Variants in SPATA21 observed in about 807,000 individuals in gnomAD.
SPATA21 encodes the protein spermatogenesis associated 21.
Under a neutral mutation model 54.8 loss-of-function variants are expected in SPATA21, and 47 were observed. That is an observed-to-expected ratio of 0.86 (90% confidence interval 0.68 to 1.09). SPATA21 has a LOEUF of 1.09. SPATA21 is among the 50% of genes least tolerant of loss of function. The pLI is 0.00. For missense variants in SPATA21, 599 were observed against 596.4 expected, an observed-to-expected ratio of 1.00 and a Z score of -0.05; for synonymous variants, 245 against 235.3, an observed-to-expected ratio of 1.04 and a Z score of -0.38.
rs2085431365 is a variant in SPATA21 at position 16,401,014 on chromosome 1, G to C, written c.1002-122C>G. ...CACAAGCCTAGGAGTCAGGAAACCT[G>C]GCTTCTAGTCTCAGCTCAGCCCTTT... is the stretch of plus-strand genomic sequence containing the variant. On this transcript the variant is annotated intron_variant, in intron 10 of 12. Coordinates refer to ENST00000335496, the MANE Select transcript of SPATA21 (RefSeq NM_198546.1). The C allele has an allele frequency of 9.0e-6, 11 of 1,217,794 alleles. No individual in the cohort carries two copies. In the Middle Eastern group the frequency reaches 8.7e-4, roughly 96 times the overall value. 75.4% of individuals were successfully genotyped at this position (1,217,794 alleles called of 1,614,324 possible).
rs1043929164 is a variant in SPATA21, at chr1:16,428,280, T to G, written c.34+3058A>C. Among the ~76,000 whole-genome samples the G allele has an allele frequency of 6.6e-6, 1 of 152,154 alleles. No individual in the cohort carries two copies. Among genetic ancestry groups the G allele is most frequent in the Non-Finnish European group, 1.5e-5 (1 of 68,032 alleles). On this transcript the variant is annotated intron_variant, in intron 3 of 12. Transcript: ENST00000335496. The surrounding 1 kb of genome is among the most constrained non-coding windows in gnomAD (Gnocchi z 4.3). The stretch of plus-strand genomic sequence containing the variant: ...AGTACCCGAGACAAGGGGATTGCCT[T>G]AAGGACAGCTTGAAAGAGCACCCTG...
intron 3 of SPATA21, chr1:16,427,787 TTC>T (rs142680373): frequency 7.2e-5 from 104 of 1,445,226 alleles, no homozygotes; most frequent in Middle Eastern, 2.0e-4. Flanking sequence ...GAGTTCTCCA[TTC>T]TCTCTCTCTC....
At chr1:16,400,500 A>G (rs1339824670) in intron 11 of SPATA21, 1 of 1,314,906 alleles carries the variant, frequency 7.6e-7, no homozygotes, top group Non-Finnish European at 9.7e-7. Context: ...AGGCTAAGGC[A>G]GGAGGGGAGG....
chr1:16,419,338 T>C (rs2086106248), intron 5 of SPATA21, among the ~76,000 whole-genome samples: 1 of 151,968 alleles, frequency 6.6e-6, no homozygotes, highest in African/African-American at 2.4e-5. Context: ...TTGGTGAAGA[T>C]TTTGGATCTT....
Position 16,399,460 on chromosome 1 carries a change from GT to G in SPATA21, c.1235del (p.Asp412AlafsTer15), listed in dbSNP as rs781518579. 3 of 1,613,554 alleles carry G rather than the reference GT, an allele frequency of 1.9e-6. No individual in the cohort carries two copies. Among genetic ancestry groups the G allele is most frequent in the Non-Finnish European group, 2.5e-6 (3 of 1,180,034 alleles). On this transcript the variant is annotated frameshift_variant, in exon 12 of 13. Coordinates refer to ENST00000335496, the MANE Select transcript of SPATA21 (RefSeq NM_198546.1). LOFTEE classifies it high-confidence loss of function. ...VPCILLCPQL[D>X]KKMVRRQPSN... ...TCGGCTGCCTACGGACCATCTTCTTGTCCAGCTGTGGGCAGAGCAGGATGCA... is the reference window on the plus strand; with the variant it reads ...TCGGCTGCCTACGGACCATCTTCTTGCCAGCTGTGGGCAGAGCAGGATGCA...
rs1213948950 is a variant in SPATA21, at chr1:16,403,717, C to T, written c.1001+10G>A. The T allele has an allele frequency of 6.2e-7, 1 of 1,609,088 alleles. No individual in the cohort carries two copies. The highest frequency in any genetic ancestry group is 2.2e-5 in the East Asian group (1 of 44,872). ...ACAACCCTTCACCCCCAACAACCGG[C>T]CCCACTCACTTTGTGATTTCCTCTA... On this transcript the variant is annotated intron_variant, in intron 10 of 12. Coordinates refer to ENST00000335496, the MANE Select transcript of SPATA21 (RefSeq NM_198546.1).
intron 2 of SPATA21, among the ~76,000 whole-genome samples, chr1:16,432,047 C>T (rs78344624): frequency 0.01 from 1,524 of 152,136 alleles, 26 homozygotes; most frequent in African/African-American, 0.035. Context: ...TGCAGTTCAC[C>T]AAAGCACCCA....
intron 3 of SPATA21, among the ~76,000 whole-genome samples, chr1:16,422,506 T>C (rs1163403411): frequency 9.1e-6 from 1 of 109,956 alleles, no homozygotes; most frequent in African/African-American, 3.6e-5. Flanking sequence ...TGTGTGTGTG[T>C]GTATTTTTTT....
intron 8 of SPATA21, 67 bp downstream of exon 8, chr1:16,404,900 T>G: frequency 6.8e-7 from 1 of 1,479,048 alleles, no homozygotes. Context: ...CTCATGCAAC[T>G]GCACAGGTTT....
intron 7 of SPATA21, among the ~76,000 whole-genome samples, chr1:16,406,076 AAT>A (rs2085630829): frequency 6.6e-6 from 1 of 152,062 alleles, no homozygotes; most frequent in Non-Finnish European, 1.5e-5. Flanking sequence ...CTGGATATGG[AAT>A]AGACAGCAGA....
At chr1:16,431,150 TAATTA>T (rs1210765596) in intron 3 of SPATA21, 183 bp downstream of exon 3, 2 of 1,386,694 alleles carry the variant, frequency 1.4e-6, no homozygotes, top group Non-Finnish European at 1.9e-6. Flanking sequence ...AACAGAGTCT[TAATTA>T]AAGCAGCTGG....
At position 16,409,487 on chromosome 1, in the gene SPATA21, A is replaced by G; in HGVS notation, c.587+114T>C. On this transcript the variant is annotated intron_variant, in intron 6 of 12. Coordinates refer to ENST00000335496, the MANE Select transcript of SPATA21 (RefSeq NM_198546.1). This position sits in a 1 kb window ranked among gnomAD's most constrained non-coding sequence, Gnocchi z 4.1. Reference sequence around the variant, plus strand: ...AGGAGACACATGAGGAGAAATGGAGAGAGGGGGACACACGAGGGAACAGGC... The same window carrying G: ...AGGAGACACATGAGGAGAAATGGAGGGAGGGGGACACACGAGGGAACAGGC... 7 of 1,113,646 alleles carry G rather than the reference A, an allele frequency of 6.3e-6. No individual in the cohort carries two copies. Among genetic ancestry groups the G allele is most frequent in the East Asian group, 2.6e-5 (1 of 38,974 alleles). 69.0% of individuals were successfully genotyped at this position (1,113,646 alleles called of 1,614,324 possible). A position where few individuals can be genotyped will look rare whatever the true frequency, so the allele number is the denominator to read the frequency against.
rs1557653363 is a variant in SPATA21 at position 16,409,774 on chromosome 1, G to A, written c.414C>T (p.Gly138=). 2.5e-6 allele frequency: 4 copies of A among 1,605,190 alleles called. No individual in the cohort carries two copies. The highest frequency in any genetic ancestry group is 2.2e-5 in the South Asian group (2 of 89,868). ...PQTPASVPAS[G]PSWARLPAPG... ...GAGCTGGCAGCCGGGCCCACGATGG[G>A]CCGCTGGCAGGGACCGAGGCAGGGG... is the stretch of plus-strand genomic sequence containing the variant. The change falls in exon 6 of 13, where the codon GGC becomes GGT. Residue 138 remains glycine (G), a synonymous_variant. Coordinates refer to ENST00000335496, the MANE Select transcript of SPATA21 (RefSeq NM_198546.1). The surrounding 1 kb of genome is among the most constrained non-coding windows in gnomAD (Gnocchi z 4.1).
At chr1:16,418,622 C>T (rs1402706108) in intron 5 of SPATA21, among the ~76,000 whole-genome samples, 2 of 151,126 alleles carry the variant, frequency 1.3e-5, no homozygotes, top group African/African-American at 4.9e-5. Flanking sequence ...GGCTGAAGTG[C>T]AGTGCCGCTA....
chr1:16,408,582 C>T (rs2085721772), intron 7 of SPATA21: 1 of 974,422 alleles, frequency 1.0e-6, no homozygotes, highest in Non-Finnish European at 1.2e-6. Context: ...GTCAGAAGAC[C>T]TAGCACGAGG....
intron 5 of SPATA21, among the ~76,000 whole-genome samples, chr1:16,414,842 G>A (rs1331732995): frequency 5.0e-5 from 6 of 119,276 alleles, no homozygotes; most frequent in Admixed American, 3.2e-4. Context: ...GAGGTGAGCC[G>A]AGATCACACC....
At position 16,409,492 on chromosome 1, in the gene SPATA21, G is replaced by T; in HGVS notation, c.587+109C>A. 21 of 1,156,182 alleles carry T rather than the reference G, an allele frequency of 1.8e-5. No individual in the cohort carries two copies. Among genetic ancestry groups the T allele is most frequent in the Non-Finnish European group, 2.6e-5 (21 of 822,276 alleles). 71.6% of individuals were successfully genotyped at this position (1,156,182 alleles called of 1,614,324 possible). ...ACACATGAGGAGAAATGGAGAGAGG[G>T]GGACACACGAGGGAACAGGCAGGTG... On this transcript the variant is annotated intron_variant, in intron 6 of 12. Transcript: ENST00000335496. This position sits in a 1 kb window ranked among gnomAD's most constrained non-coding sequence, Gnocchi z 4.1.
chr1:16,435,669 G>A (rs116353736), intron 1 of SPATA21, among the ~76,000 whole-genome samples: 2,940 of 150,412 alleles, frequency 0.02, 96 homozygotes, highest in African/African-American at 0.065. Context: ...AGGCTGGACT[G>A]CAGTGGCATG....
At chr1:16,413,609 TTTTTC>T (rs57895204) in intron 5 of SPATA21, among the ~76,000 whole-genome samples, 1 of 151,934 alleles carries the variant, frequency 6.6e-6, no homozygotes, top group Non-Finnish European at 1.5e-5. Flanking sequence ...TCTTCTCTTC[TTTTTC>T]TTTTCTTTTC....
Sources: gnomAD v4.1 joint callset for allele counts (sites outside exome capture counted in the v4.1 genomes callset) on GRCh38, gnomAD v4.1.1 for gene constraint, Gnocchi (gnomAD v3.1) non-coding constraint, MANE v1.5 for transcripts, NCBI Gene and HGNC (gene_info 2026-07-23, HGNC 2026-07-21) for gene names.